The following RPGRIP1 variants were observed in gnomAD, a reference collection of about 807,000 sequenced individuals.
The protein encoded by RPGRIP1 is RPGR interacting protein 1, also known as X-linked retinitis pigmentosa GTPase regulator-interacting protein 1.
Under a neutral mutation model 157.9 loss-of-function variants are expected in RPGRIP1, and 128 were observed. The ratio of observed to expected loss-of-function variants is 0.81; its 90% CI spans 0.70 to 0.94. RPGRIP1 has a LOEUF of 0.94. RPGRIP1 is among the 40% of genes least tolerant of loss of function. The pLI is 0.00. For synonymous variants in RPGRIP1, 554 were observed against 571.6 expected, an observed-to-expected ratio of 0.97 and a Z score of 0.44; for missense variants, 1,486 against 1,545.8, an observed-to-expected ratio of 0.96 and a Z score of 0.65.
intron 6 of RPGRIP1, among the ~76,000 whole-genome samples, chr14:21,303,858 G>A (rs1282870742): frequency 6.6e-6 from 1 of 151,760 alleles, no homozygotes; most frequent in African/African-American, 2.4e-5. Context: ...ATGGTGGCAG[G>A]CACCTGTAAA....
chr14:21,310,686 T>A, intron 8 of RPGRIP1, 79 bp downstream of exon 8: 1 of 771,032 alleles, frequency 1.3e-6, no homozygotes, highest in Non-Finnish European at 2.2e-6. Context: ...CATCTCCAAG[T>A]AACATAACAC....
rs1882968821 is a variant in RPGRIP1 at position 21,325,384 on chromosome 14, G to A, written c.2367+1G>A. 3.8e-6 allele frequency: 6 copies of A among 1,566,926 alleles called. No individual in the cohort carries two copies. Among genetic ancestry groups the A allele is most frequent in the Non-Finnish European group, 5.2e-6 (6 of 1,155,844 alleles). ...AGGCCGGAAGGCCCAGGAAGAGGAG[G>A]TGAGAAAAAAGATGTGCCGAGGCAT... On this transcript the variant is annotated splice_donor_variant, in intron 16 of 24. Coordinates refer to ENST00000400017, the MANE Select transcript of RPGRIP1 (RefSeq NM_020366.4). LOFTEE classifies it high-confidence loss of function.
chr14:21,304,368 AAGGG>A (rs1293885834), intron 6 of RPGRIP1, among the ~76,000 whole-genome samples: 2 of 136,758 alleles, frequency 1.5e-5, no homozygotes, highest in Non-Finnish European at 3.1e-5. Context: ...GGAAGGAAGG[AAGGG>A]AGGGAGGAAG....
At chr14:21,347,734 C>T (rs1885708490) in intron 23 of RPGRIP1, among the ~76,000 whole-genome samples, 1 of 151,930 alleles carries the variant, frequency 6.6e-6, no homozygotes, top group Non-Finnish European at 1.5e-5. Context: ...GTTTCTTTTT[C>T]TTTTTTCTTT....
intron 24 of RPGRIP1, 50 bp from the exon 25 acceptor site, chr14:21,351,054 G>A: frequency 2.0e-6 from 2 of 1,014,750 alleles, no homozygotes; most frequent in Non-Finnish European, 1.5e-6. Flanking sequence ...CAAATACCAA[G>A]TATCAAAGTG....
chr14:21,328,832 ACTC>A (rs1883394698), intron 19 of RPGRIP1, among the ~76,000 whole-genome samples: 2 of 151,726 alleles, frequency 1.3e-5, no homozygotes, highest in South Asian at 4.2e-4. Context: ...AACACGGTGA[ACTC>A]CTATCTCTGC....
intron 21 of RPGRIP1, among the ~76,000 whole-genome samples, chr14:21,335,744 T>G (rs1210514867): frequency 1.3e-5 from 2 of 150,944 alleles, no homozygotes; most frequent in African/African-American, 5.0e-5. Context: ...GGCAGGAGAA[T>G]GGCGTGAACC....
chr14:21,309,059 C>T (rs1881438325), intron 7 of RPGRIP1, among the ~76,000 whole-genome samples: 1 of 152,182 alleles, frequency 6.6e-6, no homozygotes, highest in Non-Finnish European at 1.5e-5. Flanking sequence ...ATTTGCATAT[C>T]AAAGGTTGCC....
intron 22 of RPGRIP1, 58 bp downstream of exon 22, chr14:21,343,286 G>A (rs1025238679): frequency 2.3e-6 from 3 of 1,330,400 alleles, no homozygotes; most frequent in Non-Finnish European, 2.1e-6. Context: ...TGAGACTGAG[G>A]GTCAGAATTA....
intron 22 of RPGRIP1, 38 bp downstream of exon 22, chr14:21,343,266 T>A: frequency 6.7e-7 from 1 of 1,485,290 alleles, no homozygotes. Context: ...TGAGGAAGTC[T>A]GATGAACATT....
intron 2 of RPGRIP1, 21 bp downstream of exon 2, chr14:21,288,082 T>C (rs575033453): frequency 1.5e-5 from 23 of 1,486,476 alleles, no homozygotes; most frequent in Non-Finnish European, 2.0e-5. Flanking sequence ...CGCCTGAGGA[T>C]GGACACCTTT....
At chr14:21,287,869 A>G (rs770260655) in intron 1 of RPGRIP1, 70 bp from the exon 2 acceptor site, 4 of 698,054 alleles carry the variant, frequency 5.7e-6, no homozygotes, top group African/African-American at 1.8e-5. Context: ...TTCCTGCTAC[A>G]ACTTATGTAC....
intron 14 of RPGRIP1, chr14:21,323,964 C>A: frequency 6.5e-6 from 1 of 154,654 alleles, no homozygotes; most frequent in Non-Finnish European, 1.4e-5. Flanking sequence ...GAGATAATAC[C>A]CAGATTTGCT....
In RPGRIP1 at chr14:21,326,176, G is replaced by T; in HGVS notation, c.2710+3G>T. On this transcript the variant is annotated splice_donor_region_variant and intron_variant, in intron 17 of 24. Coordinates refer to ENST00000400017, the MANE Select transcript of RPGRIP1 (RefSeq NM_020366.4). ...TGCAAAAAATGAATCTATCAAAGGT[G>T]GGAGTTCGAGGTTATTACATCTTCA... is the stretch of plus-strand genomic sequence containing the variant. The T allele has an allele frequency of 6.5e-7, 1 of 1,548,964 alleles. No homozygotes were observed. Among genetic ancestry groups the T allele is most frequent in the Non-Finnish European group, 8.7e-7 (1 of 1,145,328 alleles).
At chr14:21,343,463 C>T (rs1266322833) in intron 22 of RPGRIP1, among the ~76,000 whole-genome samples, 1 of 152,158 alleles carries the variant, frequency 6.6e-6, no homozygotes, top group Non-Finnish European at 1.5e-5. Flanking sequence ...CACCCTTCCT[C>T]AATCCACGGC....
Position 21,311,878 on chromosome 14 carries a change from C to G in RPGRIP1, c.985C>G (p.Leu329Val), listed in dbSNP as rs776485302. ...GGCCCTCCTCAAGCAAGTGAATGAG[C>G]TCAGGGCAGAGCTGAAGGAAGAAAG... ...HEALLKQVNE[L>V]RAELKEESKK... Residue 329 changes from leucine (L) to valine (V), a missense_variant, in exon 9 of 25, where the codon CTC becomes GTC. Transcript: ENST00000400017. 25 of 1,611,822 alleles carry G rather than the reference C, an allele frequency of 1.6e-5. No homozygotes were observed. The highest frequency in any genetic ancestry group is 2.1e-5 in the Non-Finnish European group (25 of 1,179,024).
At chr14:21,350,386 A>AC (rs1886103236) in intron 24 of RPGRIP1, among the ~76,000 whole-genome samples, 3 of 58,190 alleles carry the variant, frequency 5.2e-5, no homozygotes, top group African/African-American at 1.1e-4. Context: ...CAAAAAAAAA[A>AC]AAAAAAAAAA....
In RPGRIP1 at chr14:21,292,427, A is replaced by G. The variant is rs553260046; in HGVS notation, c.86-2250A>G. 3.3e-5 allele frequency among the ~76,000 whole-genome samples: 5 copies of G among 152,302 alleles called. No individual in the cohort carries two copies. The South Asian group carries it at 1.0e-3, about 32-fold the overall frequency. On this transcript the variant is annotated intron_variant, in intron 2 of 24. Transcript: ENST00000400017. Reference sequence around the variant, plus strand: ...CATTAAGGGAATATTTTTATAGCATATATTCAAAAATTAATCTAGCCAGTG... The same window carrying G: ...CATTAAGGGAATATTTTTATAGCATGTATTCAAAAATTAATCTAGCCAGTG...
chr14:21,324,005 C>T (rs1005799860), intron 14 of RPGRIP1: 1 of 156,548 alleles, frequency 6.4e-6, no homozygotes, highest in Non-Finnish European at 1.4e-5. Flanking sequence ...CGTCCCACTG[C>T]CAATATTTCC....
Sources: gnomAD v4.1 joint callset for allele counts (sites outside exome capture counted in the v4.1 genomes callset) on GRCh38, gnomAD v4.1.1 for gene constraint, MANE v1.5 for transcripts, NCBI Gene and HGNC (gene_info 2026-07-23, HGNC 2026-07-21) for gene names.